NCOA2: variants seen among roughly 807,000 people sequenced by gnomAD.
The protein encoded by NCOA2 is nuclear receptor coactivator 2, also known as class E basic helix-loop-helix protein 75.
Under a neutral mutation model 145.1 loss-of-function variants are expected in NCOA2, and 21 were observed. The observed-to-expected ratio is 0.14, with a 90% confidence interval of 0.10 to 0.21. NCOA2 has a LOEUF of 0.21. Ranked by LOEUF, NCOA2 falls within the 10% of genes least tolerant of loss-of-function variation. The pLI is 1.00. For synonymous variants in NCOA2, 619 were observed against 637.5 expected, an observed-to-expected ratio of 0.97 and a Z score of 0.44; for missense variants, 1,472 against 1,837.6, an observed-to-expected ratio of 0.80 and a Z score of 3.64.
chr8:70,253,827 A>G (rs1823405550), intron 2 of NCOA2, among the ~76,000 whole-genome samples: 1 of 152,218 alleles, frequency 6.6e-6, no homozygotes, highest in South Asian at 2.1e-4. Flanking sequence ...GAAAAACTTC[A>G]TGACACAGGA....
chr8:70,322,145 A>T (rs1806135880), intron 1 of NCOA2, among the ~76,000 whole-genome samples: 3 of 151,962 alleles, frequency 2.0e-5, no homozygotes. Context: ...CTGTCTACAA[A>T]CTTCTAGTAA....
chr8:70,264,858 G>T (rs943291524), intron 2 of NCOA2, among the ~76,000 whole-genome samples: 11 of 151,662 alleles, frequency 7.3e-5, no homozygotes, highest in African/African-American at 2.7e-4. Context: ...AATGTTATAG[G>T]AAAAAAAGAA....
rs142721845 is a variant in NCOA2, at chr8:70,355,065, C to T, written c.-77+48635G>A. On this transcript the variant is annotated intron_variant, in intron 1 of 22. Transcript: ENST00000452400. ...AGCACACTCTGTATAATATTTTAAA[C>T]GCAAATTCAACCAAACCAAGCTATT... Among the ~76,000 whole-genome samples, 36 of 152,282 alleles carry T rather than the reference C, an allele frequency of 2.4e-4. No homozygotes were observed. The East Asian group carries it at 4.6e-3, about 20-fold the overall frequency.
chr8:70,247,713 C>T (rs886964668), intron 2 of NCOA2, among the ~76,000 whole-genome samples: 2 of 152,184 alleles, frequency 1.3e-5, no homozygotes, highest in East Asian at 1.9e-4. Context: ...GTCACAGACA[C>T]GCTAACATTA....
intron 1 of NCOA2, chr8:70,402,399 G>A (rs879598601): frequency 6.6e-6 from 1 of 152,496 alleles, no homozygotes; most frequent in South Asian, 2.1e-4. Flanking sequence ...GCCAGCGGAA[G>A]GGGGCTCCAG....
At chr8:70,378,148 A>C (rs983272339) in intron 1 of NCOA2, among the ~76,000 whole-genome samples, 14 of 152,298 alleles carry the variant, frequency 9.2e-5, no homozygotes, top group African/African-American at 3.1e-4. Context: ...AACCACCTTG[A>C]ATAAAATAGC....
At chr8:70,311,190 G>A (rs1269222573) in intron 1 of NCOA2, among the ~76,000 whole-genome samples, 1 of 150,756 alleles carries the variant, frequency 6.6e-6, no homozygotes, top group Non-Finnish European at 1.5e-5. Context: ...TTGAGGCAAA[G>A]AAAAAAAATG....
At chr8:70,294,920 A>C (rs1826972920) in intron 2 of NCOA2, among the ~76,000 whole-genome samples, 1 of 152,248 alleles carries the variant, frequency 6.6e-6, no homozygotes, top group Non-Finnish European at 1.5e-5. Context: ...TGCAAATTGC[A>C]CTTGTAAAAT....
At chr8:70,303,850 GCTCAGGGATAGTTCC>G (rs1827680788) in intron 1 of NCOA2, among the ~76,000 whole-genome samples, 1 of 151,992 alleles carries the variant, frequency 6.6e-6, no homozygotes, top group Non-Finnish European at 1.5e-5. Flanking sequence ...GAGGTAAAAG[GCTCAGGGATAGTTCC>G]CCACCAAGAC....
chr8:70,304,542 C>T (rs957439732), intron 1 of NCOA2, among the ~76,000 whole-genome samples: 2 of 152,050 alleles, frequency 1.3e-5, no homozygotes, highest in African/African-American at 4.8e-5. Flanking sequence ...CCTCGGCTCA[C>T]TGCAACACCT....
intron 12 of NCOA2, among the ~76,000 whole-genome samples, chr8:70,146,550 C>G (rs1391463250): frequency 6.6e-6 from 1 of 152,128 alleles, no homozygotes; most frequent in Non-Finnish European, 1.5e-5. Context: ...TATGTGCGTG[C>G]TTAATCATGA....
the NCOA2 span, among the ~76,000 whole-genome samples, chr8:70,430,967 AG>A: frequency 3.3e-5 from 5 of 152,204 alleles, no homozygotes; most frequent in Non-Finnish European, 7.3e-5. Context: ...CCAAAAATGA[AG>A]GTCTCCACTG....
chr8:70,135,875 T>C (rs1357880980), intron 15 of NCOA2, among the ~76,000 whole-genome samples: 1 of 152,094 alleles, frequency 6.6e-6, no homozygotes, highest in African/African-American at 2.4e-5. Flanking sequence ...TATGGACTAG[T>C]AGGTCATTAA....
At chr8:70,231,286 T>C (rs1821109227) in intron 2 of NCOA2, among the ~76,000 whole-genome samples, 1 of 152,248 alleles carries the variant, frequency 6.6e-6, no homozygotes, top group African/African-American at 2.4e-5. Flanking sequence ...CAATTTAAAC[T>C]GATTCCTAGT....
At chr8:70,374,090 T>C (rs1415293149) in intron 1 of NCOA2, among the ~76,000 whole-genome samples, 1 of 152,092 alleles carries the variant, frequency 6.6e-6, no homozygotes, top group African/African-American at 2.4e-5. Flanking sequence ...AAAACAACAC[T>C]GAAAATATAA....
rs113858351 is a variant in NCOA2, at chr8:70,173,514, C to T, written c.363+1242G>A. ...GTTTTCATAATCTGCTTCTAAGAAC[C>T]CAGAGAGAAGTAGCACTCTCTGGCC... On this transcript the variant is annotated intron_variant, in intron 5 of 22. Transcript: ENST00000452400. 4.3e-3 allele frequency among the ~76,000 whole-genome samples: 655 copies of T among 152,166 alleles called. 5 individuals carry two copies. Among genetic ancestry groups the T allele is most frequent in the Non-Finnish European group, 6.1e-3 (414 of 68,002 alleles).
intron 6 of NCOA2, 110 bp from the exon 7 acceptor site, chr8:70,166,864 C>T: frequency 3.0e-6 from 3 of 1,002,418 alleles, no homozygotes; most frequent in East Asian, 2.4e-5. Context: ...TCTTTATGTA[C>T]TACTTTTATA....
chr8:70,276,473 T>C (rs559593627), intron 2 of NCOA2, among the ~76,000 whole-genome samples: 91 of 152,340 alleles, frequency 6.0e-4, no homozygotes, highest in African/African-American at 1.9e-3. Flanking sequence ...TCATGAATTG[T>C]AGTTCCCATA....
intron 1 of NCOA2, among the ~76,000 whole-genome samples, chr8:70,373,508 C>G (rs1811401525): frequency 3.3e-5 from 5 of 152,074 alleles, no homozygotes; most frequent in Admixed American, 2.6e-4. Context: ...TTTTCATTTT[C>G]TTAACAGCTT....
Sources: allele counts gnomAD v4.1 joint callset (sites outside exome capture counted in the v4.1 genomes callset), GRCh38; gene constraint gnomAD v4.1.1; transcripts MANE v1.5; gene names NCBI Gene and HGNC (gene_info 2026-07-23, HGNC 2026-07-21).